The following GALNTL6 variants were observed in gnomAD, a reference collection of about 807,000 sequenced individuals.
GALNTL6 encodes the protein polypeptide N-acetylgalactosaminyltransferase like 6, also known as polypeptide N-acetylgalactosaminyltransferase-like 6.
In GALNTL6, 46 loss-of-function variants were observed where a neutral mutation model predicts 73.7. That is an observed-to-expected ratio of 0.62 (90% CI 0.49 to 0.80). GALNTL6 has a LOEUF of 0.80. Among genes scored for constraint, GALNTL6 ranks in the 30% least tolerant of loss-of-function variants. The pLI is 0.00. For missense variants in GALNTL6, 604 were observed against 755.0 expected, an observed-to-expected ratio of 0.80 and a Z score of 2.34; for synonymous variants, 259 against 263.7, an observed-to-expected ratio of 0.98 and a Z score of 0.17.
intron 4 of GALNTL6, among the ~76,000 whole-genome samples, chr4:172,323,455 A>G (rs936541361): frequency 6.6e-6 from 1 of 152,168 alleles, no homozygotes; most frequent in Non-Finnish European, 1.5e-5. Flanking sequence ...TTATACATAT[A>G]TGCTTTATAA....
chr4:172,844,593 A>C (rs1329923833), intron 7 of GALNTL6, among the ~76,000 whole-genome samples: 2 of 152,232 alleles, frequency 1.3e-5, no homozygotes, highest in East Asian at 3.8e-4. Context: ...TATAATGCCT[A>C]AAATGAGGAG....
intron 3 of GALNTL6, among the ~76,000 whole-genome samples, chr4:172,308,191 T>G: frequency 6.6e-6 from 1 of 151,056 alleles, no homozygotes. Flanking sequence ...TACTGGTAAA[T>G]GAATTCAGTA....
chr4:172,714,199 C>T (rs886111369), intron 5 of GALNTL6, among the ~76,000 whole-genome samples: 13 of 152,044 alleles, frequency 8.6e-5, no homozygotes, highest in Admixed American at 3.9e-4. Context: ...CAGCCTACAT[C>T]CAGAAATGAA....
At chr4:171,993,317 A>C (rs1243830333) in intron 2 of GALNTL6, among the ~76,000 whole-genome samples, 3 of 151,708 alleles carry the variant, frequency 2.0e-5, no homozygotes, top group African/African-American at 7.2e-5. Context: ...TTATGTGATA[A>C]GTGATATTTT....
intron 2 of GALNTL6, among the ~76,000 whole-genome samples, chr4:171,983,089 A>G (rs748811021): frequency 6.6e-6 from 1 of 152,038 alleles, no homozygotes; most frequent in African/African-American, 2.4e-5. Flanking sequence ...AGATGCTCCT[A>G]TGATTTATAT....
At chr4:172,363,765 T>C (rs867467769) in intron 5 of GALNTL6, among the ~76,000 whole-genome samples, 1 of 152,232 alleles carries the variant, frequency 6.6e-6, no homozygotes, top group Non-Finnish European at 1.5e-5. Flanking sequence ...AATTTATTTA[T>C]TTATTTATTG....
intron 5 of GALNTL6, among the ~76,000 whole-genome samples, chr4:172,575,666 T>C (rs1208734130): frequency 6.6e-6 from 1 of 152,228 alleles, no homozygotes; most frequent in Non-Finnish European, 1.5e-5. Context: ...ATATTTTGTC[T>C]GTAGCACTGA....
At chr4:172,965,161 G>A (rs140065043) in intron 10 of GALNTL6, among the ~76,000 whole-genome samples, 1 of 152,186 alleles carries the variant, frequency 6.6e-6, no homozygotes, top group East Asian at 1.9e-4. Context: ...CATCTCTCTG[G>A]GGCTCAAAAA....
intron 5 of GALNTL6, among the ~76,000 whole-genome samples, chr4:172,772,719 G>A (rs1377112466): frequency 9.0e-6 from 1 of 110,718 alleles, no homozygotes; most frequent in Non-Finnish European, 2.1e-5. Flanking sequence ...ATGGTAGGCT[G>A]AGTAGTGGCC....
intron 3 of GALNTL6, among the ~76,000 whole-genome samples, chr4:172,285,736 T>G (rs575803345): frequency 6.6e-6 from 1 of 152,290 alleles, no homozygotes; most frequent in African/African-American, 2.4e-5. Flanking sequence ...CCAAGCTCTT[T>G]CCTGTCTCTG....
At chr4:172,272,292 A>G (rs560488710) in intron 3 of GALNTL6, among the ~76,000 whole-genome samples, 1 of 152,302 alleles carries the variant, frequency 6.6e-6, no homozygotes, top group East Asian at 1.9e-4. Flanking sequence ...AATATATATT[A>G]GTACAGTCAT....
intron 3 of GALNTL6, among the ~76,000 whole-genome samples, chr4:172,243,714 A>G (rs1383772128): frequency 6.6e-6 from 1 of 152,200 alleles, no homozygotes; most frequent in Admixed American, 6.5e-5. Flanking sequence ...GGAATTTACC[A>G]TGCTTTAAAT....
chr4:172,798,336 G>A (rs1157915847), intron 5 of GALNTL6, among the ~76,000 whole-genome samples: 1 of 152,150 alleles, frequency 6.6e-6, no homozygotes, highest in Admixed American at 6.5e-5. Flanking sequence ...GAATCTTAGA[G>A]GTGGATTTTT....
At chr4:172,829,477 G>A (rs1742502369) in intron 7 of GALNTL6, among the ~76,000 whole-genome samples, 1 of 152,218 alleles carries the variant, frequency 6.6e-6, no homozygotes. Flanking sequence ...ATATTTACTA[G>A]AAAGTAAATG....
At chr4:172,578,006 A>AT (rs1302850376) in intron 5 of GALNTL6, among the ~76,000 whole-genome samples, 4 of 152,134 alleles carry the variant, frequency 2.6e-5, no homozygotes, top group African/African-American at 7.2e-5. Flanking sequence ...AGGCCTTGTG[A>AT]TTTTATGGAG....
At chr4:172,603,548 T>C (rs1345120639) in intron 5 of GALNTL6, among the ~76,000 whole-genome samples, 1 of 151,964 alleles carries the variant, frequency 6.6e-6, no homozygotes, top group Non-Finnish European at 1.5e-5. Flanking sequence ...AAAACAAATA[T>C]GAAAATACTA....
intron 5 of GALNTL6, among the ~76,000 whole-genome samples, chr4:172,769,905 A>C (rs1738662363): frequency 6.6e-6 from 1 of 152,202 alleles, no homozygotes. Flanking sequence ...ACAACTATTT[A>C]ACCGGTTTGA....
Position 172,910,835 on chromosome 4 carries a change from A to G in GALNTL6, c.1042-20326A>G, listed in dbSNP as rs567326120. ...GTAGCTTCTTTTCCTCACCCCTTAC[A>G]CCTCCAACCTTGAGTCTCTCTCATC... On this transcript the variant is annotated intron_variant, in intron 8 of 12. Coordinates refer to ENST00000506823, the MANE Select transcript of GALNTL6 (RefSeq NM_001034845.3). 1.7e-3 allele frequency among the ~76,000 whole-genome samples: 265 copies of G among 152,016 alleles called. 1 individual carries two copies. Among genetic ancestry groups the G allele is most frequent in the African/African-American group, 6.1e-3 (253 of 41,460 alleles).
In GALNTL6 at chr4:172,419,563, T is replaced by C. The variant is rs186472618; in HGVS notation, c.553+70874T>C. On this transcript the variant is annotated intron_variant, in intron 5 of 12. Transcript: ENST00000506823. ...ACAATAATATAATAGTTACACAAACTTAAGCTACTGCCCATAAACGTTTCT... is the reference window on the plus strand; with the variant it reads ...ACAATAATATAATAGTTACACAAACCTAAGCTACTGCCCATAAACGTTTCT... Among the ~76,000 whole-genome samples the C allele has an allele frequency of 3.0e-3, 458 of 152,316 alleles. 2 individuals are homozygous for C. Among genetic ancestry groups the C allele is most frequent in the Non-Finnish European group, 3.9e-3 (264 of 68,030 alleles).
Sources: gnomAD v4.1 joint callset for allele counts (sites outside exome capture counted in the v4.1 genomes callset) on GRCh38, gnomAD v4.1.1 for gene constraint, MANE v1.5 for transcripts, NCBI Gene and HGNC (gene_info 2026-07-23, HGNC 2026-07-21) for gene names.